ZFAT: variants seen among roughly 807,000 people sequenced by gnomAD.
ZFAT encodes the protein zinc finger protein ZFAT.
Under a neutral mutation model 117.7 loss-of-function variants are expected in ZFAT, and 64 were observed. The observed-to-expected ratio is 0.54, with a 90% CI of 0.44 to 0.67. The LOEUF (loss-of-function observed/expected upper bound fraction) is 0.67. ZFAT is among the 30% of genes least tolerant of loss of function. The pLI, the probability that ZFAT is intolerant of heterozygous loss-of-function variation, is 0.00. For synonymous variants in ZFAT, 679 were observed against 615.0 expected (o/e 1.10, Z -1.54); for missense variants, 1,433 against 1,584.5 (o/e 0.90, Z 1.62).
chr8:134,726,769 A>AT, the ZFAT span, among the ~76,000 whole-genome samples: 11 of 149,604 alleles, frequency 7.4e-5, no homozygotes, highest in African/African-American at 2.0e-4. Context: ...GCCTGGCTAA[A>AT]TTTTTTTTTT....
the ZFAT span, chr8:134,764,831 C>G: frequency 6.6e-6 from 1 of 152,112 alleles, no homozygotes; most frequent in African/African-American, 2.4e-5. Flanking sequence ...GGTATGGCAG[C>G]ACCCATCTGC....
chr8:134,482,371 C>T (rs146353094), intron 15 of ZFAT, among the ~76,000 whole-genome samples: 238 of 152,278 alleles, frequency 1.6e-3, no homozygotes, highest in Non-Finnish European at 2.6e-3. Flanking sequence ...AGTTCGCAGG[C>T]GGATCTTGAA....
the ZFAT span, among the ~76,000 whole-genome samples, chr8:134,756,394 A>G: frequency 3.3e-5 from 5 of 152,234 alleles, no homozygotes; most frequent in African/African-American, 1.2e-4. Context: ...CAGGAACGGG[A>G]CATTACTTGA....
chr8:134,595,063 ACT>A (rs1368826931), intron 7 of ZFAT, among the ~76,000 whole-genome samples: 3 of 152,096 alleles, frequency 2.0e-5, no homozygotes, highest in Non-Finnish European at 4.4e-5. Context: ...TCCCCATGAG[ACT>A]CTGACTGAGG....
chr8:134,766,093 C>T, the ZFAT span: 2 of 152,220 alleles, frequency 1.3e-5, no homozygotes, highest in Non-Finnish European at 2.9e-5. Context: ...AATTTAGTCA[C>T]ATTTTCTTCT....
the ZFAT span, among the ~76,000 whole-genome samples, chr8:134,791,099 C>A: frequency 6.6e-6 from 1 of 152,184 alleles, no homozygotes; most frequent in Non-Finnish European, 1.5e-5. Flanking sequence ...CTGTACATTT[C>A]ATTCATTCCT....
At chr8:134,692,586 C>A (rs919151057) in intron 1 of ZFAT, among the ~76,000 whole-genome samples, 1 of 152,170 alleles carries the variant, frequency 6.6e-6, no homozygotes, top group African/African-American at 2.4e-5. Flanking sequence ...TTCACCTAGT[C>A]AAAGGATGAA....
chr8:134,530,495 C>T (rs1821326969), intron 12 of ZFAT, among the ~76,000 whole-genome samples: 2 of 152,196 alleles, frequency 1.3e-5, no homozygotes, highest in South Asian at 2.1e-4. Context: ...TGTGTTCATA[C>T]TCCACCATCC....
intron 1 of ZFAT, among the ~76,000 whole-genome samples, chr8:134,693,467 A>G (rs1254591682): frequency 6.6e-6 from 1 of 152,252 alleles, no homozygotes; most frequent in Non-Finnish European, 1.5e-5. Flanking sequence ...TCTTCCTTAC[A>G]CAGACAACTA....
At chr8:134,827,766 TA>T in the ZFAT span, among the ~76,000 whole-genome samples, 242 of 114,716 alleles carry the variant, frequency 2.1e-3, no homozygotes, top group Admixed American at 2.1e-3. Context: ...AGACTCTGTC[TA>T]AAAAAAAAAA....
At chr8:134,575,319 C>T (rs1825218286) in intron 10 of ZFAT, among the ~76,000 whole-genome samples, 1 of 152,142 alleles carries the variant, frequency 6.6e-6, no homozygotes, top group Non-Finnish European at 1.5e-5. Flanking sequence ...AGTGAAATCA[C>T]AAGGGTCCTT....
chr8:134,590,685 C>A (rs1314791878), intron 7 of ZFAT, among the ~76,000 whole-genome samples: 4 of 137,398 alleles, frequency 2.9e-5, no homozygotes, highest in Admixed American at 1.6e-4. Context: ...AACACCACCA[C>A]CACCAACAAC....
chr8:134,623,473 A>G (rs1348005324), intron 3 of ZFAT, among the ~76,000 whole-genome samples: 2 of 152,146 alleles, frequency 1.3e-5, no homozygotes, highest in Non-Finnish European at 2.9e-5. Flanking sequence ...GTGTGGCCAC[A>G]ACTAACTCAC....
chr8:134,778,589 T>G, the ZFAT span, among the ~76,000 whole-genome samples: 1 of 152,166 alleles, frequency 6.6e-6, no homozygotes, highest in Non-Finnish European at 1.5e-5. Context: ...TAAGCACATG[T>G]TCCAAAAAGA....
At chr8:134,830,897 T>A in the ZFAT span, among the ~76,000 whole-genome samples, 1 of 152,318 alleles carries the variant, frequency 6.6e-6, no homozygotes, top group East Asian at 1.9e-4. Context: ...TAACGTTTGG[T>A]AAACAGGTAG....
chr8:134,602,072 C>A lies in ZFAT; in HGVS notation c.1647G>T (p.Pro549=), dbSNP rs776978202. The part of the protein sequence containing the change: ...DTQLEEGRKE[P]EAPGEMPAPA... ...GGGCAGGCATTTCCCCAGGGGCCTC[C>A]GGCTCCTTCCGGCCCTCCTCCAGCT... The change falls in exon 6 of 16, where the codon CCG becomes CCT. Residue 549 remains proline, a synonymous_variant. Transcript: ENST00000377838. The A allele has an allele frequency of 6.2e-7, 1 of 1,610,892 alleles. No individual in the cohort carries two copies.
chr8:134,713,439 A>T (rs981730048), upstream of ZFAT, among the ~76,000 whole-genome samples: 1 of 152,174 alleles, frequency 6.6e-6, no homozygotes, highest in African/African-American at 2.4e-5. Flanking sequence ...TGATGTGTCC[A>T]TCGGGGTGCT....
intron 1 of ZFAT, among the ~76,000 whole-genome samples, chr8:134,676,406 T>C (rs970570877): frequency 2.6e-5 from 4 of 152,056 alleles, no homozygotes; most frequent in African/African-American, 9.7e-5. Flanking sequence ...CTATCCTAAA[T>C]ATATACGCAC....
chr8:134,742,880 T>C, the ZFAT span, among the ~76,000 whole-genome samples: 1 of 152,136 alleles, frequency 6.6e-6, no homozygotes, highest in African/African-American at 2.4e-5. Flanking sequence ...CAGCAAGCTC[T>C]AAGGGGAGGG....
Sources: gnomAD v4.1 joint callset for allele counts (sites outside exome capture counted in the v4.1 genomes callset) on GRCh38, gnomAD v4.1.1 for gene constraint, MANE v1.5 for transcripts, NCBI Gene and HGNC (gene_info 2026-07-23, HGNC 2026-07-21) for gene names.